The following COL6A5 variants were observed in gnomAD, a reference collection of about 807,000 sequenced individuals.
The protein encoded by COL6A5 is collagen alpha-5(VI) chain.
In COL6A5, 48 loss-of-function variants were observed where a neutral mutation model predicts 65.6. The observed-to-expected ratio is 0.73, with a 90% CI of 0.58 to 0.93. The LOEUF (loss-of-function observed/expected upper bound fraction) is 0.93. Ranked by LOEUF, COL6A5 falls within the 40% of genes least tolerant of loss-of-function variation. The pLI, the probability that COL6A5 is intolerant of heterozygous loss-of-function variation, is 0.00. For synonymous variants in COL6A5, 291 were observed against 322.8 expected (o/e 0.90, Z 1.05); for missense variants, 914 against 928.3 (o/e 0.98, Z 0.20).
chr3:130,416,395 T>C (rs141174730), intron 23 of COL6A5, among the ~76,000 whole-genome samples: 5 of 152,296 alleles, frequency 3.3e-5, no homozygotes, highest in African/African-American at 9.6e-5. Flanking sequence ...TATGCACATA[T>C]GGTACGGGCA....
intron 4 of COL6A5, among the ~76,000 whole-genome samples, chr3:130,384,428 A>T (rs1013926224): frequency 6.6e-6 from 1 of 152,110 alleles, no homozygotes; most frequent in Non-Finnish European, 1.5e-5. Context: ...TGAAGTAAGA[A>T]TAGAAGATCG....
chr3:130,372,339 A>G (rs1338992691), intron 1 of COL6A5, among the ~76,000 whole-genome samples: 1 of 151,996 alleles, frequency 6.6e-6, no homozygotes, highest in African/African-American at 2.4e-5. Flanking sequence ...ATGAAAATAT[A>G]TATTCACACC....
intron 1 of COL6A5, among the ~76,000 whole-genome samples, chr3:130,367,942 T>C (rs950291152): frequency 2.6e-5 from 4 of 152,190 alleles, no homozygotes; most frequent in Non-Finnish European, 5.9e-5. Context: ...GTCTGTGGCA[T>C]TGGAATGAAG....
chr3:130,351,394 G>A (rs531141730), intron 1 of COL6A5, among the ~76,000 whole-genome samples: 9 of 152,214 alleles, frequency 5.9e-5, no homozygotes, highest in African/African-American at 1.9e-4. Flanking sequence ...AAATGGGAGA[G>A]AATTTTTGCA....
At chr3:130,427,163 TA>T (rs1937622274), upstream of COL6A5, among the ~76,000 whole-genome samples, 1 of 152,174 alleles carries the variant, frequency 6.6e-6, no homozygotes, top group Non-Finnish European at 1.5e-5. Context: ...TTAAATATTA[TA>T]AAATGAAATT....
chr3:130,361,571 C>G (rs1032764100), intron 1 of COL6A5, among the ~76,000 whole-genome samples: 8 of 152,048 alleles, frequency 5.3e-5, no homozygotes, highest in Non-Finnish European at 8.8e-5. Flanking sequence ...AAGTTTTCAA[C>G]TCATTTGGGT....
chr3:130,484,184 G>A (rs757958212), exon 8 of COL6A5: 2 of 792,860 alleles, frequency 2.5e-6, no homozygotes, highest in Non-Finnish European at 3.7e-6. Context: ...TTGGCTAATA[G>A]CATGCTAAAT....
chr3:130,362,801 C>T (rs1339774169), intron 1 of COL6A5, among the ~76,000 whole-genome samples: 2 of 152,142 alleles, frequency 1.3e-5, no homozygotes, highest in Non-Finnish European at 2.9e-5. Flanking sequence ...CTGATAACTT[C>T]CCTGGCTCTG....
exon 18 of COL6A5, chr3:130,409,339 C>T (rs1198827796): frequency 7.1e-6 from 11 of 1,545,356 alleles, no homozygotes; most frequent in Non-Finnish European, 8.7e-6. Context: ...AGCCCAGGTT[C>T]CAGAGGTGCC....
chr3:130,439,333 A>G (rs1245514945), intron 1 of COL6A5, among the ~76,000 whole-genome samples, 189 bp from the exon 34 acceptor site: 3 of 117,736 alleles, frequency 2.5e-5, no homozygotes, highest in African/African-American at 9.4e-5. Flanking sequence ...TGGGATAAGC[A>G]GGGGATTGTG....
intron 1 of COL6A5, among the ~76,000 whole-genome samples, chr3:130,347,792 T>G (rs550936755): frequency 2.6e-5 from 4 of 152,288 alleles, no homozygotes; most frequent in Admixed American, 6.5e-5. Context: ...TTCTTGGTAT[T>G]GCAGTTTGCT....
intron 8 of COL6A5, among the ~76,000 whole-genome samples, chr3:130,395,854 T>C (rs1277112670): frequency 6.6e-6 from 1 of 152,174 alleles, no homozygotes; most frequent in Non-Finnish European, 1.5e-5. Context: ...GTTTTACTAT[T>C]GTACCTTTGT....
chr3:130,393,067 G>GTT (rs59517354), intron 7 of COL6A5, among the ~76,000 whole-genome samples: 3,082 of 109,182 alleles, frequency 0.028, 73 homozygotes, highest in Non-Finnish European at 0.04. Flanking sequence ...TGCTTACAGT[G>GTT]TTTTTTTTTT....
intron 1 of COL6A5, among the ~76,000 whole-genome samples, chr3:130,438,397 G>GTGAATGAGTGAATGAATGAA (rs1553755940): frequency 1.4e-5 from 2 of 141,328 alleles, no homozygotes; most frequent in Non-Finnish European, 3.2e-5. Context: ...GAATGAATGA[G>GTGAATGAGTGAATGAATGAA]TGAATGAGTG....
At chr3:130,361,676 T>A (rs1935111542) in intron 1 of COL6A5, among the ~76,000 whole-genome samples, 1 of 152,072 alleles carries the variant, frequency 6.6e-6, no homozygotes, top group South Asian at 2.1e-4. Context: ...GCTGTGCCAT[T>A]TTGCATTAAT....
At position 130,403,708 on chromosome 3, in the gene COL6A5, T is replaced by TACAC. The variant is rs71158192; in HGVS notation, c.4281+64_4281+67dup. On this transcript the variant is annotated intron_variant and NMD_transcript_variant, in intron 13 of 41. Coordinates refer to the COL6A5 transcript ENST00000312481. The stretch of plus-strand genomic sequence containing the variant: ...CTCACCCCCTGTTGCACACACACTG[T>TACAC]ACACACACACACACACACACAAACA... 6.8e-4 allele frequency: 831 copies of TACAC among 1,215,666 alleles called. 2 individuals carry two copies. Among genetic ancestry groups the TACAC allele is most frequent in the East Asian group, 6.7e-4 (25 of 37,064 alleles). The allele number at this position is 1,215,666 out of a possible 1,614,324, so 75.3% of individuals were successfully genotyped here.
rs1422748448 is a variant in COL6A5 at position 130,422,595 on chromosome 3, T to A, written c.5038-125T>A. 3 of 592,632 alleles carry A rather than the reference T, an allele frequency of 5.1e-6. No homozygotes were observed. The East Asian group carries it at 9.5e-5, about 19-fold the overall frequency. 36.7% of individuals were successfully genotyped at this position (592,632 alleles called of 1,614,324 possible). The stretch of plus-strand genomic sequence containing the variant: ...GACAGGAAAAGATGACATTTAATGT[T>A]GTATTGGCCTTCATTAATGTATGAT... On this transcript the variant is annotated intron_variant and NMD_transcript_variant, in intron 27 of 41. Coordinates refer to the COL6A5 transcript ENST00000312481.
intron 4 of COL6A5, 50 bp from the exon 37 acceptor site, chr3:130,455,405 C>G (rs1375098036): frequency 7.2e-6 from 8 of 1,110,686 alleles, no homozygotes; most frequent in Non-Finnish European, 1.1e-5. Context: ...TTTTATTTGC[C>G]TCCTTCTCTA....
intron 1 of COL6A5, among the ~76,000 whole-genome samples, chr3:130,358,195 A>T (rs1160073914): frequency 3.9e-5 from 6 of 152,192 alleles, no homozygotes; most frequent in African/African-American, 1.4e-4. Flanking sequence ...TCTCAAAAAA[A>T]AAAATAAATA....
Sources: allele counts gnomAD v4.1 joint callset (sites outside exome capture counted in the v4.1 genomes callset), GRCh38; gene constraint gnomAD v4.1.1; transcripts MANE v1.5; gene names NCBI Gene and HGNC (gene_info 2026-07-23, HGNC 2026-07-21).